Variants in DENND4A observed in about 807,000 individuals in gnomAD.
The protein encoded by DENND4A is C-myc promoter-binding protein.
DENND4A carries 70 observed loss-of-function variants against 199.3 expected under a neutral mutation model. The observed-to-expected ratio is 0.35, with a 90% confidence interval of 0.29 to 0.43. The LOEUF is 0.43. Among genes scored for constraint, DENND4A ranks in the 20% least tolerant of loss-of-function variants. The pLI, the probability that DENND4A is intolerant of heterozygous loss-of-function variation, is 1.00. For missense variants in DENND4A, 1,723 were observed against 2,255.8 expected (o/e 0.76, Z 4.78); for synonymous variants, 686 against 766.9 (o/e 0.89, Z 1.74).
chr15:65,663,506 G>A (rs1236089241), intron 32 of DENND4A, among the ~76,000 whole-genome samples: 1 of 151,966 alleles, frequency 6.6e-6, no homozygotes, highest in Non-Finnish European at 1.5e-5. Flanking sequence ...ACTGCACCTG[G>A]CTGATTTTAT....
chr15:65,721,591 CT>C, intron 12 of DENND4A, among the ~76,000 whole-genome samples: 1 of 123,274 alleles, frequency 8.1e-6, no homozygotes, highest in African/African-American at 3.2e-5. Context: ...AATGACTCCA[CT>C]TAAAAAAAAA....
rs369482205 is a variant in DENND4A at position 65,715,604 on chromosome 15, G to C, written c.1827C>G (p.Asp609Glu). The C allele has an allele frequency of 1.5e-4, 236 of 1,566,020 alleles. No individual in the cohort carries two copies. Among genetic ancestry groups the C allele is most frequent in the Non-Finnish European group, 2.0e-4 (231 of 1,157,436 alleles). ...TGTTATAGAATTTTTGATGTGACCG[G>C]TCCCGGCTTCTTAAGAAAGCTGTTC... ...FALQAFLRSR[D>E]RSHQKFYNMM... The change falls in exon 14 of 33, where the codon GAC becomes GAG. Residue 609 changes from aspartate (D) to glutamate (E), a missense_variant. Physicochemically the swap from Asp to Glu is conservative, Grantham distance 45. This residue lies in a region of DENND4A where 725 missense variants were observed against 952.9 expected (regional missense o/e 0.76). Transcript: ENST00000443035.
chr15:65,728,376 TAATTC>T (rs1033257333), intron 11 of DENND4A, among the ~76,000 whole-genome samples: 2 of 152,200 alleles, frequency 1.3e-5, no homozygotes, highest in Admixed American at 1.3e-4. Context: ...AATGGTGTTT[TAATTC>T]AATTTGTGAT....
rs1203377394 is a variant in DENND4A, at chr15:65,722,853, G to C, written c.1583C>G (p.Ala528Gly). Residue 528 changes from alanine (A) to glycine (G), a missense_variant, in exon 12 of 33, where the codon GCA becomes GGA. Transcript: ENST00000443035. ...NTLNNLHQQL[A>G]KLQQRPRDDG... ...TAATTAAGTTATCCACTTACATTTT[G>C]CCAATTGCTGATGCAAATTATTCAG... 1.3e-6 allele frequency: 2 copies of C among 1,591,752 alleles called. No individual in the cohort carries two copies. The highest frequency in any genetic ancestry group is 1.7e-6 in the Non-Finnish European group (2 of 1,170,110).
At chr15:65,743,827 A>G (rs2076318153) in intron 4 of DENND4A, among the ~76,000 whole-genome samples, 1 of 152,224 alleles carries the variant, frequency 6.6e-6, no homozygotes. Flanking sequence ...AGAGGCAATG[A>G]CAGCAGAGAA....
intron 4 of DENND4A, among the ~76,000 whole-genome samples, chr15:65,750,568 G>A (rs770858977): frequency 2.6e-5 from 4 of 152,116 alleles, no homozygotes; most frequent in Non-Finnish European, 5.9e-5. Flanking sequence ...CCCCACATAT[G>A]TGAACACAAA....
chr15:65,791,831 G>C (rs1425368750), intron 1 of DENND4A, among the ~76,000 whole-genome samples, 179 bp downstream of exon 1: 1 of 152,142 alleles, frequency 6.6e-6, no homozygotes, highest in Non-Finnish European at 1.5e-5. Flanking sequence ...GCGCCATCCC[G>C]GGGCGGACCG....
chr15:65,788,854 TAAAA>T (rs34831088), intron 1 of DENND4A, among the ~76,000 whole-genome samples: 15 of 102,374 alleles, frequency 1.5e-4, no homozygotes, highest in African/African-American at 5.4e-4. Context: ...GGACTTGTCT[TAAAA>T]AAAAAAAAAA....
chr15:65,717,203 T>C (rs1435093309), intron 13 of DENND4A, among the ~76,000 whole-genome samples: 2 of 152,126 alleles, frequency 1.3e-5, no homozygotes, highest in African/African-American at 2.4e-5. Context: ...ATCCAATGCC[T>C]AGCATTCGGA....
chr15:65,726,635 T>TTG (rs1251063242), intron 11 of DENND4A, among the ~76,000 whole-genome samples: 1 of 152,154 alleles, frequency 6.6e-6, no homozygotes, highest in Non-Finnish European at 1.5e-5. Flanking sequence ...GCACTTGAGG[T>TTG]TGTGACATGT....
At position 65,746,369 on chromosome 15, in the gene DENND4A, C is replaced by CTTTTTTTTTTTTTTTTTTT. The variant is rs573935476; in HGVS notation, c.562-4604_562-4586dup. Reference sequence around the variant, plus strand: ...CTTGTTAACAATTCTACTTTTTTCTCTTTTTTTTTTTTTTTTTTTTTTTTT... The same window carrying CTTTTTTTTTTTTTTTTTTT: ...CTTGTTAACAATTCTACTTTTTTCTCTTTTTTTTTTTTTTTTTTTTTTTTTTTTTTTTTTTTTTTTTTTT... On this transcript the variant is annotated intron_variant, in intron 4 of 32. Coordinates refer to ENST00000443035, the MANE Select transcript of DENND4A (RefSeq NM_001320835.1). Among the ~76,000 whole-genome samples, 9 of 51,304 alleles carry CTTTTTTTTTTTTTTTTTTT rather than the reference C, an allele frequency of 1.8e-4. 2 individuals are homozygous for CTTTTTTTTTTTTTTTTTTT. The highest frequency in any genetic ancestry group is 2.9e-4 in the Non-Finnish European group (8 of 27,578). 33.7% of individuals were successfully genotyped at this position (51,304 alleles called of 152,430 possible). A position where few individuals can be genotyped will look rare whatever the true frequency, so the allele number is the denominator to read the frequency against.
At chr15:65,675,970 A>C (rs2076361454) in intron 24 of DENND4A, among the ~76,000 whole-genome samples, 1 of 151,916 alleles carries the variant, frequency 6.6e-6, no homozygotes, top group Non-Finnish European at 1.5e-5. Context: ...ACATCCACAC[A>C]TGATGTATAA....
intron 30 of DENND4A, 53 bp from the exon 31 acceptor site, chr15:65,664,775 A>G (rs1720444130): frequency 6.9e-7 from 1 of 1,457,908 alleles, no homozygotes. Flanking sequence ...TAGAAAGGAG[A>G]AAGAAATTAA....
Position 65,690,775 on chromosome 15 carries a change from T to C in DENND4A, c.3819A>G (p.Gln1273=), listed in dbSNP as rs1450226782. 1 of 1,613,582 alleles carries C rather than the reference T, an allele frequency of 6.2e-7. No individual in the cohort carries two copies. The highest frequency in any genetic ancestry group is 8.5e-7 in the Non-Finnish European group (1 of 1,179,760). The part of the protein sequence containing the change: ...LTSRTPSIDL[Q]RACDDKLNKK... Reference sequence around the variant, plus strand: ...TATTTAATTTATCATCACATGCCCGTTGTAAATCAATGCTTGGTGTACGAC... The same window carrying C: ...TATTTAATTTATCATCACATGCCCGCTGTAAATCAATGCTTGGTGTACGAC... The change falls in exon 23 of 33, where the codon CAA becomes CAG. Residue 1273 remains glutamine, a synonymous_variant. Transcript: ENST00000443035.
At chr15:65,705,459 CTTATT>C (rs1332456138) in intron 15 of DENND4A, among the ~76,000 whole-genome samples, 1 of 152,076 alleles carries the variant, frequency 6.6e-6, no homozygotes, top group East Asian at 1.9e-4. Flanking sequence ...TATCATAGCC[CTTATT>C]TTACTGTGCT....
chr15:65,689,452 A>G (rs758176332), intron 23 of DENND4A, among the ~76,000 whole-genome samples: 15 of 152,160 alleles, frequency 9.9e-5, no homozygotes, highest in Non-Finnish European at 1.8e-4. Context: ...AAAAGGTACA[A>G]TCTTTTCTCT....
intron 1 of DENND4A, among the ~76,000 whole-genome samples, chr15:65,768,487 A>G (rs922356036): frequency 6.6e-6 from 1 of 152,202 alleles, no homozygotes; most frequent in Non-Finnish European, 1.5e-5. Context: ...ACCTTCCCAA[A>G]GAGAACCACT....
chr15:65,723,700 A>G (rs1339091514), intron 11 of DENND4A, among the ~76,000 whole-genome samples: 5 of 152,190 alleles, frequency 3.3e-5, no homozygotes, highest in Admixed American at 6.5e-5. Flanking sequence ...CAATTTATAA[A>G]TTAGGCACAG....
At chr15:65,707,529 C>T (rs1488740387) in intron 14 of DENND4A, among the ~76,000 whole-genome samples, 1 of 152,028 alleles carries the variant, frequency 6.6e-6, no homozygotes, top group Non-Finnish European at 1.5e-5. Flanking sequence ...GCATTATATG[C>T]TATACTCTCT....
Sources: gnomAD v4.1 joint callset for allele counts (sites outside exome capture counted in the v4.1 genomes callset) on GRCh38, gnomAD v4.1.1 for gene constraint, gnomAD v4.1.1 regional missense constraint, MANE v1.5 for transcripts, NCBI Gene and HGNC (gene_info 2026-07-23, HGNC 2026-07-21) for gene names.